PDE3B: variants seen among roughly 807,000 people sequenced by gnomAD.
PDE3B encodes phosphodiesterase 3B.
PDE3B carries 66 observed loss-of-function variants against 116.8 expected under a neutral mutation model. The observed-to-expected ratio is 0.56, with a 90% CI of 0.46 to 0.69. The LOEUF is 0.69. PDE3B is among the 30% of genes least tolerant of loss of function. PDE3B has a pLI of 0.00. For synonymous variants in PDE3B, 595 were observed against 533.6 expected, an observed-to-expected ratio of 1.12 and a Z score of -1.59; for missense variants, 1,384 against 1,368.1, an observed-to-expected ratio of 1.01 and a Z score of -0.18.
At chr11:14,662,948 A>C (rs939477475) in intron 1 of PDE3B, among the ~76,000 whole-genome samples, 2 of 152,108 alleles carry the variant, frequency 1.3e-5, no homozygotes, top group African/African-American at 4.8e-5. Context: ...GATTCAGGAA[A>C]TACAGAGAAC....
chr11:14,799,924 G>T lies in PDE3B; in HGVS notation c.1416-4020G>T, dbSNP rs1858693786. On this transcript the variant is annotated intron_variant, in intron 4 of 15. Coordinates refer to ENST00000282096, the MANE Select transcript of PDE3B (RefSeq NM_000922.4). ...CTGTGTATTTTAATTGAGGCATTTA[G>T]CCCATTTACGTTTAAGGTTAATATG... Among the ~76,000 whole-genome samples, 7 of 152,150 alleles carry T rather than the reference G, an allele frequency of 4.6e-5. 1 individual carries two copies. The South Asian group carries it at 1.2e-3, about 27-fold the overall frequency.
chr11:14,833,495 A>T (rs1454753272), intron 10 of PDE3B, among the ~76,000 whole-genome samples: 1 of 152,130 alleles, frequency 6.6e-6, no homozygotes, highest in Non-Finnish European at 1.5e-5. Flanking sequence ...TTGCCTGTGT[A>T]CTTTATCTTT....
At chr11:14,731,676 T>C (rs949111531) in intron 1 of PDE3B, among the ~76,000 whole-genome samples, 1 of 152,214 alleles carries the variant, frequency 6.6e-6, no homozygotes, top group Non-Finnish European at 1.5e-5. Context: ...ATAGTTTAGT[T>C]CTCACAGAGA....
chr11:14,771,376 A>G (rs1177555405), intron 1 of PDE3B, among the ~76,000 whole-genome samples: 1 of 151,774 alleles, frequency 6.6e-6, no homozygotes, highest in Non-Finnish European at 1.5e-5. Context: ...GTCTGGGACT[A>G]AAGTTACCAT....
chr11:14,883,757 A>G, the PDE3B span, among the ~76,000 whole-genome samples: 126 of 152,190 alleles, frequency 8.3e-4, no homozygotes, highest in African/African-American at 2.8e-3. Context: ...AACCTACAAA[A>G]TGGGAGAAAA....
chr11:14,709,722 A>G (rs1261760167), intron 1 of PDE3B, among the ~76,000 whole-genome samples: 1 of 152,112 alleles, frequency 6.6e-6, no homozygotes, highest in Non-Finnish European at 1.5e-5. Context: ...CTTTCCTTGT[A>G]ATAGGTTTAT....
chr11:14,883,849 C>A, the PDE3B span, among the ~76,000 whole-genome samples: 1 of 151,832 alleles, frequency 6.6e-6, no homozygotes, highest in East Asian at 1.9e-4. Flanking sequence ...AAAAAAACAA[C>A]CCCATCAACA....
chr11:14,706,383 G>A (rs1029752872), intron 1 of PDE3B, among the ~76,000 whole-genome samples: 1 of 151,896 alleles, frequency 6.6e-6, no homozygotes, highest in Non-Finnish European at 1.5e-5. Flanking sequence ...ATTCAGTTAA[G>A]AAGGTGACTG....
chr11:14,878,359 C>A, the PDE3B span: 1 of 1,475,834 alleles, frequency 6.8e-7, no homozygotes, highest in African/African-American at 1.4e-5. Context: ...AAATTAATGT[C>A]TAATATTTGG....
chr11:14,882,689 T>C, the PDE3B span, among the ~76,000 whole-genome samples: 40 of 152,126 alleles, frequency 2.6e-4, no homozygotes, highest in South Asian at 2.9e-3. Flanking sequence ...CCAGGGCAAT[T>C]AGGCAGGAGA....
chr11:14,805,675 A>G (rs1858896222), intron 5 of PDE3B, among the ~76,000 whole-genome samples: 1 of 152,180 alleles, frequency 6.6e-6, no homozygotes, highest in African/African-American at 2.4e-5. Flanking sequence ...TAGCTGGCAG[A>G]CCTGTGCTAC....
intron 5 of PDE3B, among the ~76,000 whole-genome samples, chr11:14,807,932 C>T (rs1347548058): frequency 6.6e-6 from 1 of 151,970 alleles, no homozygotes; most frequent in African/African-American, 2.4e-5. Context: ...TGGTGGTGGG[C>T]GCCTGTAATC....
chr11:14,749,756 A>G (rs1435977071), intron 1 of PDE3B, among the ~76,000 whole-genome samples: 2 of 150,898 alleles, frequency 1.3e-5, no homozygotes, highest in Admixed American at 6.6e-5. Context: ...ATGGATTTTG[A>G]TATTAGTCAG....
At chr11:14,887,741 G>C in the PDE3B span, 1 of 579,494 alleles carries the variant, frequency 1.7e-6, no homozygotes, top group Non-Finnish European at 2.2e-6. Context: ...TCAAGTGGTT[G>C]AGGCCCAGGA....
chr11:14,830,957 A>T, intron 8 of PDE3B, 111 bp downstream of exon 8: 1 of 568,546 alleles, frequency 1.8e-6, no homozygotes, highest in Non-Finnish European at 2.7e-6. Context: ...GTATTTTTTA[A>T]TTTTTTTACT....
chr11:14,732,148 A>C (rs147314571), intron 1 of PDE3B, among the ~76,000 whole-genome samples: 34 of 152,288 alleles, frequency 2.2e-4, no homozygotes, highest in Non-Finnish European at 3.7e-4. Flanking sequence ...AGGCCCTGAG[A>C]ATGCAGCATG....
intron 1 of PDE3B, among the ~76,000 whole-genome samples, chr11:14,749,443 G>C (rs1389060013): frequency 6.6e-6 from 1 of 152,056 alleles, no homozygotes; most frequent in Non-Finnish European, 1.5e-5. Flanking sequence ...AAAGCAAATA[G>C]TTATACTGAA....
intron 3 of PDE3B, among the ~76,000 whole-genome samples, chr11:14,788,645 C>A (rs1047945636): frequency 2.0e-5 from 3 of 151,890 alleles, no homozygotes; most frequent in Non-Finnish European, 4.4e-5. Context: ...TTAACTCAGT[C>A]ATTTATTCAA....
chr11:14,782,177 A>G (rs946994583), intron 2 of PDE3B, among the ~76,000 whole-genome samples: 7 of 151,880 alleles, frequency 4.6e-5, no homozygotes, highest in Non-Finnish European at 1.0e-4. Flanking sequence ...ACAAGTGACA[A>G]TACTGCCCAA....
Sources: gnomAD v4.1 joint callset for allele counts (sites outside exome capture counted in the v4.1 genomes callset) on GRCh38, gnomAD v4.1.1 for gene constraint, MANE v1.5 for transcripts, NCBI Gene and HGNC (gene_info 2026-07-23, HGNC 2026-07-21) for gene names.